Variants in ZFYVE9 observed in about 807,000 individuals in gnomAD.
ZFYVE9 encodes zinc finger FYVE domain-containing protein 9.
In ZFYVE9, 43 loss-of-function variants were observed where a neutral mutation model predicts 126.7. That is an observed-to-expected ratio of 0.34 (90% CI 0.27 to 0.44). ZFYVE9 has a LOEUF of 0.44. ZFYVE9 is among the 20% of genes least tolerant of loss of function. The pLI, the probability that ZFYVE9 is intolerant of heterozygous loss-of-function variation, is 1.00. For synonymous variants in ZFYVE9, 521 were observed against 597.4 expected, an observed-to-expected ratio of 0.87 and a Z score of 1.87; for missense variants, 1,476 against 1,697.0, an observed-to-expected ratio of 0.87 and a Z score of 2.29.
chr1:52,287,012 T>C (rs1413055268), intron 10 of ZFYVE9, among the ~76,000 whole-genome samples: 1 of 152,156 alleles, frequency 6.6e-6, no homozygotes, highest in Non-Finnish European at 1.5e-5. Flanking sequence ...GACCACTTTC[T>C]CCATGAATTC....
chr1:52,295,942 G>A lies in ZFYVE9; in HGVS notation c.3298G>A (p.Gly1100Arg). The A allele has an allele frequency of 6.2e-7, 1 of 1,613,776 alleles. No individual in the cohort carries two copies. The highest frequency in any genetic ancestry group is 8.5e-7 in the Non-Finnish European group (1 of 1,179,848). ...FSVRFRKPLFGETGHTIMNLL... is the reference protein window; with the variant it reads ...FSVRFRKPLFRETGHTIMNLL... ...TGTCAGATTTCGGAAGCCATTGTTT[G>A]GAGAGACGGGGCATACCATCATGAA... The change falls in exon 12 of 19, where the codon GGA becomes AGA. Residue 1100 changes from glycine to arginine, a missense_variant. Transcript: ENST00000287727.
rs1645771305 is a variant in ZFYVE9, at chr1:52,278,607, T to A, written c.2862T>A (p.Ile954=). 1 of 1,566,360 alleles carries A rather than the reference T, an allele frequency of 6.4e-7. No individual in the cohort carries two copies. Among genetic ancestry groups the A allele is most frequent in the Non-Finnish European group, 8.7e-7 (1 of 1,148,684 alleles). ...LNANLLSMVK[I]VNYVNRKCWC... is the part of the protein sequence containing the mutation. ...CAAATTTGTTGTCAATGGTTAAAAT[T>A]GTAAATTGTAAGTTATAAATTTTTA... is the stretch of plus-strand genomic sequence containing the variant. Residue 954 remains isoleucine, a synonymous_variant, in exon 9 of 19, where the codon ATT becomes ATA. Coordinates refer to ENST00000287727, the MANE Select transcript of ZFYVE9 (RefSeq NM_004799.4).
intron 3 of ZFYVE9, among the ~76,000 whole-genome samples, chr1:52,236,126 T>A (rs1190000360): frequency 2.0e-5 from 3 of 152,160 alleles, no homozygotes; most frequent in African/African-American, 7.2e-5. Context: ...TGTTTGTACG[T>A]GTCTCTTATT....
intron 1 of ZFYVE9, among the ~76,000 whole-genome samples, chr1:52,165,028 G>C (rs554239682): frequency 6.6e-6 from 1 of 152,208 alleles, no homozygotes; most frequent in African/African-American, 2.4e-5. Context: ...TTGCACAACT[G>C]TGTGGACATA....
At chr1:52,269,311 G>A (rs2147803493) in intron 7 of ZFYVE9, among the ~76,000 whole-genome samples, 1 of 151,896 alleles carries the variant, frequency 6.6e-6, no homozygotes, top group South Asian at 2.1e-4. Context: ...TGTATTTTTA[G>A]TAGAGACAGG....
At chr1:52,257,898 G>A (rs1204226830) in intron 4 of ZFYVE9, among the ~76,000 whole-genome samples, 1 of 152,032 alleles carries the variant, frequency 6.6e-6, no homozygotes, top group East Asian at 1.9e-4. Context: ...GCTAATTTTT[G>A]TATTTTTAGT....
Position 52,340,365 on chromosome 1 carries a change from C to T in ZFYVE9, c.3939+134C>T, listed in dbSNP as rs1300709072. Reference sequence around the variant, plus strand: ...AGAAAAATCTTTCTCGTTTATACTACAATTCCTATCTGAAATCACCAGGAA... The same window carrying T: ...AGAAAAATCTTTCTCGTTTATACTATAATTCCTATCTGAAATCACCAGGAA... On this transcript the variant is annotated intron_variant, in intron 17 of 18. Transcript: ENST00000287727. 13 of 654,904 alleles carry T rather than the reference C, an allele frequency of 2.0e-5. No individual in the cohort carries two copies. In the East Asian group the frequency reaches 3.6e-4, roughly 18 times the overall value. 40.6% of individuals were successfully genotyped at this position (654,904 alleles called of 1,614,324 possible).
chr1:52,289,893 A>G (rs1193820624), intron 10 of ZFYVE9, among the ~76,000 whole-genome samples: 1 of 152,256 alleles, frequency 6.6e-6, no homozygotes, highest in African/African-American at 2.4e-5. Context: ...GGCAGAAAGG[A>G]AATCAGTATC....
chr1:52,328,646 G>A (rs773110121), intron 13 of ZFYVE9, among the ~76,000 whole-genome samples: 3 of 152,132 alleles, frequency 2.0e-5, no homozygotes, highest in Non-Finnish European at 4.4e-5. Flanking sequence ...AACCACTTTA[G>A]CCTAATGATT....
At chr1:52,270,598 A>G (rs1012228517) in intron 7 of ZFYVE9, among the ~76,000 whole-genome samples, 7 of 152,170 alleles carry the variant, frequency 4.6e-5, no homozygotes, top group African/African-American at 1.7e-4. Flanking sequence ...GTGTGTGCAC[A>G]GATATATTAA....
chr1:52,165,421 T>C (rs371856737), intron 1 of ZFYVE9, among the ~76,000 whole-genome samples: 58 of 152,184 alleles, frequency 3.8e-4, no homozygotes, highest in East Asian at 2.7e-3. Flanking sequence ...AGGGGAAGGA[T>C]AATAGGACCC....
At chr1:52,210,955 A>G (rs1374827120) in intron 1 of ZFYVE9, among the ~76,000 whole-genome samples, 1 of 152,056 alleles carries the variant, frequency 6.6e-6, no homozygotes, top group Non-Finnish European at 1.5e-5. Context: ...GCCCCTGGCC[A>G]GGTATTTCTC....
rs915760214 is a variant in ZFYVE9 at position 52,181,816 on chromosome 1, C to T, written c.-142-34553C>T. ...GAGGAGCGTCTCTGGCTGGCCGCCCCGTCTGAGAAGCGAGGAGCCCCTCCG... is the reference window on the plus strand; with the variant it reads ...GAGGAGCGTCTCTGGCTGGCCGCCCTGTCTGAGAAGCGAGGAGCCCCTCCG... On this transcript the variant is annotated intron_variant, in intron 1 of 18. Coordinates refer to ENST00000287727, the MANE Select transcript of ZFYVE9 (RefSeq NM_004799.4). Among the ~76,000 whole-genome samples the T allele has an allele frequency of 2.1e-4, 32 of 151,500 alleles. No homozygotes were observed. In the East Asian group the frequency reaches 4.1e-3, roughly 19 times the overall value.
chr1:52,242,264 T>A (rs987152764), intron 4 of ZFYVE9, among the ~76,000 whole-genome samples: 1 of 152,180 alleles, frequency 6.6e-6, no homozygotes, highest in African/African-American at 2.4e-5. Flanking sequence ...ACTCCTGACC[T>A]TAAGTGATCC....
At chr1:52,295,199 A>G (rs540116928) in intron 11 of ZFYVE9, among the ~76,000 whole-genome samples, 1 of 152,358 alleles carries the variant, frequency 6.6e-6, no homozygotes, top group South Asian at 2.1e-4. Flanking sequence ...TGTCTCAAAA[A>G]AAAAAGAGTG....
At chr1:52,147,774 C>T (rs558551695) in intron 1 of ZFYVE9, among the ~76,000 whole-genome samples, 171 of 152,246 alleles carry the variant, frequency 1.1e-3, no homozygotes, top group Non-Finnish European at 2.0e-3. Context: ...TTTAACCTTT[C>T]GAGAAACTAT....
rs147632753 is a variant in ZFYVE9 at position 52,326,746 on chromosome 1, G to T, written c.3439-6022G>T. Among the ~76,000 whole-genome samples the T allele has an allele frequency of 7.1e-4, 106 of 149,256 alleles. 1 individual carries two copies. The East Asian group carries it at 0.019, about 26-fold the overall frequency. ...GACATGGTGGCACATGCCTGTGCCT[G>T]TAATCCCAGCTACTTGAGAGGCTGA... On this transcript the variant is annotated intron_variant, in intron 13 of 18. Coordinates refer to ENST00000287727, the MANE Select transcript of ZFYVE9 (RefSeq NM_004799.4).
chr1:52,179,813 G>T, intron 1 of ZFYVE9: 2 of 590,624 alleles, frequency 3.4e-6, no homozygotes, highest in Non-Finnish European at 6.3e-6. Context: ...TGTCTATTAG[G>T]GGGCACAGCT....
At chr1:52,305,610 A>C (rs980583302) in intron 13 of ZFYVE9, among the ~76,000 whole-genome samples, 11 of 151,888 alleles carry the variant, frequency 7.2e-5, no homozygotes, top group African/African-American at 2.2e-4. Context: ...TGGGAGCCCC[A>C]CCCCTTCCGA....
Sources: allele counts gnomAD v4.1 joint callset (sites outside exome capture counted in the v4.1 genomes callset), GRCh38; gene constraint gnomAD v4.1.1; transcripts MANE v1.5; gene names NCBI Gene and HGNC (gene_info 2026-07-23, HGNC 2026-07-21).